The following MYT1L variants were observed in gnomAD, a reference collection of about 807,000 sequenced individuals.
The protein encoded by MYT1L is myelin transcription factor 1-like protein.
In MYT1L, 12 loss-of-function variants were observed where a neutral mutation model predicts 126.7. That is an observed-to-expected ratio of 0.09 (90% CI 0.06 to 0.15). The LOEUF (loss-of-function observed/expected upper bound fraction) is 0.15, where lower values mean the gene tolerates loss of function less well. Ranked by LOEUF, MYT1L falls within the 10% of genes least tolerant of loss-of-function variation. The pLI is 1.00. For synonymous variants in MYT1L, 541 were observed against 604.2 expected (o/e 0.90, Z 1.53); for missense variants, 979 against 1,585.2 (o/e 0.62, Z 6.49).
At chr2:1,962,241 C>T (rs1335111763) in intron 8 of MYT1L, among the ~76,000 whole-genome samples, 2 of 152,078 alleles carry the variant, frequency 1.3e-5, no homozygotes, top group African/African-American at 2.4e-5. Context: ...CAGTTCCTAA[C>T]CCCAGAGAGG....
At chr2:1,984,504 A>ATT (rs2060853277) in intron 5 of MYT1L, among the ~76,000 whole-genome samples, 1 of 128,784 alleles carries the variant, frequency 7.8e-6, no homozygotes, top group Non-Finnish European at 1.6e-5. Context: ...GCCAAGAACT[A>ATT]ATTTTTTTTT....
chr2:2,277,029 T>C (rs1226597959), intron 2 of MYT1L, among the ~76,000 whole-genome samples: 3 of 152,098 alleles, frequency 2.0e-5, no homozygotes, highest in Non-Finnish European at 4.4e-5. Context: ...TTGGCCAGGC[T>C]GGAGTGCAGT....
At chr2:2,314,764 C>A (rs974341294) in intron 1 of MYT1L, among the ~76,000 whole-genome samples, 2 of 152,046 alleles carry the variant, frequency 1.3e-5, no homozygotes, top group African/African-American at 4.8e-5. Context: ...TCATGCTACC[C>A]AACTTCAAAC....
intron 3 of MYT1L, among the ~76,000 whole-genome samples, chr2:2,072,612 G>A (rs2074733972): frequency 6.6e-6 from 1 of 152,304 alleles, no homozygotes; most frequent in South Asian, 2.1e-4. Context: ...GTTTGGCTCT[G>A]TGTCCCCGCG....
In MYT1L at chr2:1,799,576, T is replaced by C. The variant is rs569486996; in HGVS notation, c.3276+2120A>G. Reference sequence around the variant, plus strand: ...CTTCCTGAATGGCATCCTATTGGAATTGGGTTGCCCCAGTAGACCATGGAC... The same window carrying C: ...CTTCCTGAATGGCATCCTATTGGAACTGGGTTGCCCCAGTAGACCATGGAC... On this transcript the variant is annotated intron_variant, in intron 23 of 24. Transcript: ENST00000647738. 1.1e-4 allele frequency among the ~76,000 whole-genome samples: 17 copies of C among 152,360 alleles called. No individual in the cohort carries two copies. In the East Asian group the frequency reaches 3.1e-3, roughly 28 times the overall value.
intron 3 of MYT1L, among the ~76,000 whole-genome samples, chr2:2,105,620 ATGT>A (rs1418157914): frequency 6.6e-6 from 1 of 152,202 alleles, no homozygotes; most frequent in Non-Finnish European, 1.5e-5. Context: ...ACTGGAGACA[ATGT>A]TGTCCTTGCA....
chr2:2,084,725 A>G (rs1246949089), intron 3 of MYT1L, among the ~76,000 whole-genome samples: 1 of 152,208 alleles, frequency 6.6e-6, no homozygotes, highest in Non-Finnish European at 1.5e-5. Context: ...TCCCAAACCT[A>G]CAGACACTGT....
At chr2:2,204,206 G>A (rs978764468) in intron 2 of MYT1L, among the ~76,000 whole-genome samples, 8 of 152,152 alleles carry the variant, frequency 5.3e-5, no homozygotes, top group Non-Finnish European at 1.2e-4. Context: ...CATGGGCAAG[G>A]ACTTCATGTC....
chr2:1,840,852 G>C lies in MYT1L; in HGVS notation c.2775-9C>G, dbSNP rs1160496313. 1.0e-5 allele frequency: 16 copies of C among 1,529,780 alleles called. No homozygotes were observed. Among genetic ancestry groups the C allele is most frequent in the South Asian group, 9.6e-5 (8 of 83,570 alleles). The allele number at this position is 1,529,780 out of a possible 1,614,324, so 94.8% of individuals were successfully genotyped here. A position where few individuals can be genotyped will look rare whatever the true frequency, so the allele number is the denominator to read the frequency against. On this transcript the variant is annotated splice_polypyrimidine_tract_variant and intron_variant, in intron 19 of 24. Coordinates refer to ENST00000647738, the MANE Select transcript of MYT1L (RefSeq NM_001303052.2). ...TTGGGCAACCTGAAAGGCTAAATAA[G>C]AAACACATTTCAGAAAGCACCCCAC...
intron 1 of MYT1L, among the ~76,000 whole-genome samples, chr2:2,314,235 A>G (rs545711458): frequency 6.6e-6 from 1 of 152,328 alleles, no homozygotes; most frequent in East Asian, 1.9e-4. Context: ...TAGTTTTCCA[A>G]ATGAAACTGC....
intron 18 of MYT1L, among the ~76,000 whole-genome samples, chr2:1,881,964 G>C (rs1218988166): frequency 7.2e-5 from 11 of 152,124 alleles, no homozygotes. Context: ...ATGAAGCGTG[G>C]GAAAGCTTCT....
At position 1,979,395 on chromosome 2, in the gene MYT1L, TTAA is replaced by T. The variant is rs2060429512; in HGVS notation, c.89+123_89+125del. The stretch of plus-strand genomic sequence containing the variant: ...TTTTTACGAGCAAGTCTCGGGGGAA[TTAA>T]TTTCATCAGTGCAGCAGGGCGTGAG... On this transcript the variant is annotated intron_variant, in intron 7 of 24. Coordinates refer to ENST00000647738, the MANE Select transcript of MYT1L (RefSeq NM_001303052.2). The surrounding 1 kb of genome is among the most constrained non-coding windows in gnomAD (Gnocchi z 4.0). 1.1e-5 allele frequency: 13 copies of T among 1,142,052 alleles called. No individual in the cohort carries two copies. The highest frequency in any genetic ancestry group is 1.0e-4 in the South Asian group (8 of 79,706). The allele number at this position is 1,142,052 out of a possible 1,614,324, so 70.7% of individuals were successfully genotyped here.
At chr2:2,186,440 G>A (rs555508043) in intron 2 of MYT1L, among the ~76,000 whole-genome samples, 7 of 152,314 alleles carry the variant, frequency 4.6e-5, no homozygotes, top group African/African-American at 1.7e-4. Flanking sequence ...CGTGCTCACC[G>A]CAAAAGAAAT....
chr2:2,195,076 G>A (rs966426777), intron 2 of MYT1L, among the ~76,000 whole-genome samples: 1 of 152,216 alleles, frequency 6.6e-6, no homozygotes, highest in Non-Finnish European at 1.5e-5. Context: ...CCCATTTGAA[G>A]GCAGTGGGAA....
chr2:1,858,662 T>C (rs370204854), intron 18 of MYT1L, among the ~76,000 whole-genome samples: 39 of 152,192 alleles, frequency 2.6e-4, no homozygotes, highest in African/African-American at 9.2e-4. Context: ...TTCTGGCCAA[T>C]TTCTTAAAGA....
intron 3 of MYT1L, among the ~76,000 whole-genome samples, chr2:2,079,760 C>T (rs1008024943): frequency 2.0e-5 from 3 of 150,996 alleles, no homozygotes; most frequent in African/African-American, 7.3e-5. Context: ...TGAGCTGAGC[C>T]GAGATTGCGC....
chr2:2,144,221 C>T (rs1013426412), intron 3 of MYT1L, among the ~76,000 whole-genome samples: 1 of 152,166 alleles, frequency 6.6e-6, no homozygotes, highest in African/African-American at 2.4e-5. Flanking sequence ...TGTCCCCCTC[C>T]CTCCTGCTCT....
At chr2:2,242,575 G>A (rs2149151484) in intron 2 of MYT1L, among the ~76,000 whole-genome samples, 1 of 152,210 alleles carries the variant, frequency 6.6e-6, no homozygotes, top group African/African-American at 2.4e-5. Flanking sequence ...TCATCCATAA[G>A]CTTCCATTTA....
intron 1 of MYT1L, among the ~76,000 whole-genome samples, chr2:2,328,955 C>T (rs1200520030): frequency 6.6e-6 from 1 of 152,190 alleles, no homozygotes; most frequent in Non-Finnish European, 1.5e-5. Context: ...CCTCAACTAG[C>T]ACAATCATTA....
Sources: allele counts gnomAD v4.1 joint callset (sites outside exome capture counted in the v4.1 genomes callset), GRCh38; gene constraint gnomAD v4.1.1; non-coding constraint Gnocchi (gnomAD v3.1); transcripts MANE v1.5; gene names NCBI Gene and HGNC (gene_info 2026-07-23, HGNC 2026-07-21).